Variants in PRKCA observed in about 807,000 individuals in gnomAD.
PRKCA encodes protein kinase C alpha, also known as protein kinase C alpha type.
PRKCA carries 27 observed loss-of-function variants against 87.0 expected under a neutral mutation model. The ratio of observed to expected loss-of-function variants is 0.31; its 90% CI spans 0.23 to 0.43. The LOEUF (loss-of-function observed/expected upper bound fraction) is 0.43, where lower values mean the gene tolerates loss of function less well. Among genes scored for constraint, PRKCA ranks in the 20% least tolerant of loss-of-function variants. The pLI, the probability that PRKCA is intolerant of heterozygous loss-of-function variation, is 1.00. For synonymous variants in PRKCA, 329 were observed against 311.1 expected, an observed-to-expected ratio of 1.06 and a Z score of -0.61; for missense variants, 518 against 852.3, an observed-to-expected ratio of 0.61 and a Z score of 4.88.
At chr17:66,508,710 C>T (rs1365166027) in intron 3 of PRKCA, among the ~76,000 whole-genome samples, 1 of 152,214 alleles carries the variant, frequency 6.6e-6, no homozygotes, top group African/African-American at 2.4e-5. Context: ...CTGCTTTCAA[C>T]TCTCTTTCCT....
At chr17:66,672,096 G>A (rs1009913932) in intron 5 of PRKCA, among the ~76,000 whole-genome samples, 2 of 152,280 alleles carry the variant, frequency 1.3e-5, no homozygotes, top group Non-Finnish European at 2.9e-5. Flanking sequence ...CAAGGTTTTT[G>A]TAAGCCTAAA....
chr17:66,386,883 C>T (rs371879054), intron 2 of PRKCA, among the ~76,000 whole-genome samples: 2 of 152,172 alleles, frequency 1.3e-5, no homozygotes, highest in African/African-American at 4.8e-5. Flanking sequence ...GGCCTTACTA[C>T]GTCATGACAC....
Position 66,806,683 on chromosome 17 carries a change from C to G in PRKCA, c.*2646C>G, listed in dbSNP as rs990846997. ...CAGCCTGCCTGTTTAAAGCAGGCAG[C>G]AGGCTTAGGCCTTCCCTGCAACCCC... On this transcript the variant is annotated 3_prime_UTR_variant, in exon 17 of 17. Transcript: ENST00000413366. The G allele has an allele frequency of 6.6e-6, 1 of 152,258 alleles. No homozygotes were observed. The highest frequency in any genetic ancestry group is 1.5e-5 in the Non-Finnish European group (1 of 68,080). The allele number at this position is 152,258 out of a possible 1,614,324, so 9.4% of individuals were successfully genotyped here. A position where few individuals can be genotyped will look rare whatever the true frequency, so the allele number is the denominator to read the frequency against.
In PRKCA at chr17:66,716,622, G is replaced by A. The variant is rs561470612; in HGVS notation, c.919-16066G>A. Among the ~76,000 whole-genome samples, 82 of 152,254 alleles carry A rather than the reference G, an allele frequency of 5.4e-4. 1 individual carries two copies. In the South Asian group the frequency reaches 0.015, roughly 29 times the overall value. On this transcript the variant is annotated intron_variant, in intron 8 of 16. Coordinates refer to ENST00000413366, the MANE Select transcript of PRKCA (RefSeq NM_002737.3). ...CAAGGCGTGCACCACCAAGATTAGC[G>A]ATCCTAACAGATGTGTCAATTATCA...
At chr17:66,791,798 C>T (rs1975545073) in intron 16 of PRKCA, among the ~76,000 whole-genome samples, 1 of 152,218 alleles carries the variant, frequency 6.6e-6, no homozygotes, top group Admixed American at 6.5e-5. Context: ...GCACAATACG[C>T]TCTGGTTAAT....
At chr17:66,355,924 G>A (rs572486058) in intron 2 of PRKCA, among the ~76,000 whole-genome samples, 1 of 152,224 alleles carries the variant, frequency 6.6e-6, no homozygotes, top group African/African-American at 2.4e-5. Flanking sequence ...TTGAGATGGA[G>A]TTTTGCTCTT....
intron 2 of PRKCA, among the ~76,000 whole-genome samples, chr17:66,453,653 T>C (rs1914440158): frequency 6.6e-6 from 1 of 152,074 alleles, no homozygotes; most frequent in Admixed American, 6.5e-5. Context: ...TTGCCTCCCT[T>C]TGCGCCGCCC....
chr17:66,496,441 A>G lies in PRKCA; in HGVS notation c.288+158A>G, dbSNP rs534449937. 3.3e-5 allele frequency among the ~76,000 whole-genome samples: 5 copies of G among 152,312 alleles called. No homozygotes were observed. In the South Asian group the frequency reaches 1.0e-3, roughly 32 times the overall value. ...GTAGTAATGAGCAGATTTATAGCCC[A>G]TATGAGCTCTGGACTACATCTTAGA... On this transcript the variant is annotated intron_variant, in intron 3 of 16. Coordinates refer to ENST00000413366, the MANE Select transcript of PRKCA (RefSeq NM_002737.3).
In PRKCA at chr17:66,689,956, G is replaced by A. The variant is rs539606839; in HGVS notation, c.918+909G>A. On this transcript the variant is annotated intron_variant, in intron 8 of 16. Coordinates refer to ENST00000413366, the MANE Select transcript of PRKCA (RefSeq NM_002737.3). This position sits in a 1 kb window ranked among gnomAD's most constrained non-coding sequence, Gnocchi z 4.1. ...TACACGTGCACACGCACACATGTGTGTAGATGCTGAACTGCTACTGAAATG... is the reference window on the plus strand; with the variant it reads ...TACACGTGCACACGCACACATGTGTATAGATGCTGAACTGCTACTGAAATG... 6.6e-6 allele frequency among the ~76,000 whole-genome samples: 1 copy of A among 152,286 alleles called. No individual in the cohort carries two copies. Among genetic ancestry groups the A allele is most frequent in the South Asian group, 2.1e-4 (1 of 4,810 alleles).
At chr17:66,377,721 A>ATATATTT (rs1350881561) in intron 2 of PRKCA, among the ~76,000 whole-genome samples, 7 of 69,146 alleles carry the variant, frequency 1.0e-4, no homozygotes, top group East Asian at 4.8e-4. Flanking sequence ...ATATATATAT[A>ATATATTT]TTTTTTTTTT....
chr17:66,523,194 G>T (rs753758240), intron 3 of PRKCA, among the ~76,000 whole-genome samples: 11 of 152,138 alleles, frequency 7.2e-5, no homozygotes, highest in Non-Finnish European at 7.4e-5. Context: ...ATCAGTGTAG[G>T]ATTTCAGAGT....
At chr17:66,519,179 A>G (rs903742232) in intron 3 of PRKCA, among the ~76,000 whole-genome samples, 16 of 152,084 alleles carry the variant, frequency 1.1e-4, no homozygotes, top group African/African-American at 3.6e-4. Context: ...TGGCTTATTG[A>G]GAAAGGAGGA....
At chr17:66,334,222 C>T (rs1247647131) in intron 2 of PRKCA, among the ~76,000 whole-genome samples, 1 of 152,116 alleles carries the variant, frequency 6.6e-6, no homozygotes, top group Non-Finnish European at 1.5e-5. Flanking sequence ...TGCACTACAG[C>T]CTGGGCAACA....
intron 2 of PRKCA, among the ~76,000 whole-genome samples, chr17:66,485,344 G>A (rs1436636265): frequency 6.6e-6 from 1 of 152,180 alleles, no homozygotes; most frequent in Non-Finnish European, 1.5e-5. Flanking sequence ...GCTTCTCGCA[G>A]TTTTCAGGAT....
At chr17:66,425,428 T>C (rs1912747887) in intron 2 of PRKCA, among the ~76,000 whole-genome samples, 1 of 152,138 alleles carries the variant, frequency 6.6e-6, no homozygotes, top group Non-Finnish European at 1.5e-5. Context: ...TTCCCCACGG[T>C]GCTGTGATAG....
chr17:66,775,869 G>A (rs1975034870), intron 14 of PRKCA: 1 of 592,366 alleles, frequency 1.7e-6, no homozygotes, highest in African/African-American at 2.0e-5. Context: ...ACAGCAGACA[G>A]GTTAGATAAG....
intron 2 of PRKCA, among the ~76,000 whole-genome samples, chr17:66,322,365 G>T (rs1431205283): frequency 6.6e-6 from 1 of 152,150 alleles, no homozygotes; most frequent in Non-Finnish European, 1.5e-5. Flanking sequence ...AATGTAGAAT[G>T]AATTTTTAAT....
chr17:66,796,496 G>T (rs553268092), intron 16 of PRKCA: 1 of 985,350 alleles, frequency 1.0e-6, no homozygotes, highest in East Asian at 1.1e-4. Context: ...CAGGTCTTCG[G>T]TGAGCACGTT....
intron 2 of PRKCA, among the ~76,000 whole-genome samples, chr17:66,312,924 A>G (rs1791254245): frequency 6.6e-6 from 1 of 151,932 alleles, no homozygotes; most frequent in South Asian, 2.1e-4. Context: ...TTTTTAGTAG[A>G]GACGGGGTGT....
Sources: allele counts gnomAD v4.1 joint callset (sites outside exome capture counted in the v4.1 genomes callset), GRCh38; gene constraint gnomAD v4.1.1; non-coding constraint Gnocchi (gnomAD v3.1); transcripts MANE v1.5; gene names NCBI Gene and HGNC (gene_info 2026-07-23, HGNC 2026-07-21).